The following SLCO1B3 variants were observed in gnomAD, a reference collection of about 807,000 sequenced individuals.
The protein encoded by SLCO1B3 is liver-specific organic anion transporter 2.
In SLCO1B3, 72 loss-of-function variants were observed where a neutral mutation model predicts 71.8. The ratio of observed to expected loss-of-function variants is 1.00; its 90% CI spans 0.83 to 1.22. SLCO1B3 has a LOEUF of 1.22. Ranked by LOEUF, SLCO1B3 falls within the 50% of genes most tolerant of loss-of-function variation. SLCO1B3 has a pLI of 0.00. For missense variants in SLCO1B3, 911 were observed against 819.7 expected, an observed-to-expected ratio of 1.11 and a Z score of -1.36; for synonymous variants, 298 against 278.4, an observed-to-expected ratio of 1.07 and a Z score of -0.70.
chr12:20,915,604 A>G (rs1866475765), intron 15 of SLCO1B3, among the ~76,000 whole-genome samples: 1 of 152,168 alleles, frequency 6.6e-6, no homozygotes, highest in African/African-American at 2.4e-5. Context: ...GTGTAAGGCG[A>G]TGAAGACAAA....
At chr12:20,906,833 A>G (rs1277344023) in intron 15 of SLCO1B3, among the ~76,000 whole-genome samples, 2 of 152,172 alleles carry the variant, frequency 1.3e-5, no homozygotes, top group African/African-American at 4.8e-5. Flanking sequence ...ATTGTCAACA[A>G]TCAAAAATGT....
chr12:20,842,111 G>C (rs576402074), intron 3 of SLCO1B3, among the ~76,000 whole-genome samples: 11 of 152,098 alleles, frequency 7.2e-5, no homozygotes, highest in Admixed American at 3.9e-4. Context: ...GGTCAGGCTG[G>C]TCTTGAACTC....
intron 13 of SLCO1B3, among the ~76,000 whole-genome samples, chr12:20,892,798 AT>A (rs772044286): frequency 6.6e-6 from 1 of 152,118 alleles, no homozygotes; most frequent in Non-Finnish European, 1.5e-5. Flanking sequence ...ATATTGGACG[AT>A]TGCCCTGGAG....
chr12:20,852,686 T>C (rs1376293028), intron 3 of SLCO1B3, among the ~76,000 whole-genome samples: 2 of 152,200 alleles, frequency 1.3e-5, no homozygotes, highest in East Asian at 3.9e-4. Flanking sequence ...CTAAGTGTTT[T>C]ATCTTTTTTA....
At chr12:20,843,575 T>C (rs2121180736) in intron 3 of SLCO1B3, among the ~76,000 whole-genome samples, 1 of 152,100 alleles carries the variant, frequency 6.6e-6, no homozygotes, top group East Asian at 1.9e-4. Context: ...GATCAGGAGA[T>C]TGAGACCATC....
intron 15 of SLCO1B3, among the ~76,000 whole-genome samples, chr12:20,908,811 G>A (rs1866307805): frequency 6.6e-6 from 1 of 152,116 alleles, no homozygotes; most frequent in Non-Finnish European, 1.5e-5. Context: ...TTGCTTGCAG[G>A]TTTGGGCAAT....
chr12:20,827,588 T>A (rs1864449962), intron 3 of SLCO1B3, among the ~76,000 whole-genome samples: 1 of 152,158 alleles, frequency 6.6e-6, no homozygotes, highest in Non-Finnish European at 1.5e-5. Flanking sequence ...TTTTTTCTTT[T>A]TGAGACAGAG....
chr12:20,883,566 C>A lies in SLCO1B3; in HGVS notation c.1646C>A (p.Ala549Glu), dbSNP rs1198690499. The change falls in exon 13 of 16, where the codon GCA becomes GAA. Residue 549 changes from alanine (A) to glutamate (E), a missense_variant. Physicochemically the swap from Ala to Glu is moderately radical, Grantham distance 107. Coordinates refer to ENST00000381545, the MANE Select transcript of SLCO1B3 (RefSeq NM_019844.4). The stretch of plus-strand genomic sequence containing the variant: ...CAAGTCATAAACTCTTTGTTCTCTG[C>A]AACAGGAGGTACCACATTTATCTTG... ...AIQVINSLFS[A>E]TGGTTFILLT... 2 of 1,599,566 alleles carry A rather than the reference C, an allele frequency of 1.3e-6. No homozygotes were observed. Among genetic ancestry groups the A allele is most frequent in the Non-Finnish European group, 1.7e-6 (2 of 1,174,972 alleles).
intron 3 of SLCO1B3, among the ~76,000 whole-genome samples, chr12:20,822,089 G>A (rs1047659016): frequency 2.6e-5 from 4 of 152,226 alleles, no homozygotes; most frequent in Non-Finnish European, 4.4e-5. Flanking sequence ...CTGAGGACCT[G>A]AGGTCGTAGA....
chr12:20,822,170 A>G (rs1327076930), intron 3 of SLCO1B3, among the ~76,000 whole-genome samples: 1 of 152,188 alleles, frequency 6.6e-6, no homozygotes, highest in African/African-American at 2.4e-5. Flanking sequence ...CCCCGATCCA[A>G]GTCACGGCAC....
At chr12:20,911,551 C>T (rs1010873679) in intron 15 of SLCO1B3, among the ~76,000 whole-genome samples, 1 of 152,082 alleles carries the variant, frequency 6.6e-6, no homozygotes, top group African/African-American at 2.4e-5. Flanking sequence ...AGAATTCGCC[C>T]ATGAACCCAT....
chr12:20,891,376 T>G (rs57112806), intron 13 of SLCO1B3, among the ~76,000 whole-genome samples: 16 of 152,206 alleles, frequency 1.1e-4, no homozygotes, highest in African/African-American at 3.4e-4. Context: ...GTAAGATTCC[T>G]GCTGAGAAGT....
At chr12:20,912,653 A>G (rs939335721) in intron 15 of SLCO1B3, among the ~76,000 whole-genome samples, 31 of 151,566 alleles carry the variant, frequency 2.0e-4, no homozygotes, top group Admixed American at 1.9e-3. Context: ...CCTCCTGAAT[A>G]GCTGGGATTA....
intron 3 of SLCO1B3, among the ~76,000 whole-genome samples, chr12:20,844,804 C>A (rs557044600): frequency 6.6e-6 from 1 of 151,754 alleles, no homozygotes; most frequent in South Asian, 2.1e-4. Context: ...CCAAGGTGGG[C>A]GAATCATCTG....
intron 3 of SLCO1B3, among the ~76,000 whole-genome samples, chr12:20,817,754 AT>A (rs544791647): frequency 4.3e-4 from 63 of 148,164 alleles, no homozygotes; most frequent in African/African-American, 5.4e-4. Flanking sequence ...CACCCAGCTA[AT>A]TTTTTTTTTT....
At chr12:20,841,473 T>A (rs2121172918) in intron 3 of SLCO1B3, among the ~76,000 whole-genome samples, 1 of 150,928 alleles carries the variant, frequency 6.6e-6, no homozygotes, top group South Asian at 2.1e-4. Flanking sequence ...GTAGGGATTC[T>A]TATTTAAAAA....
chr12:20,889,983 T>C (rs1865871891), intron 13 of SLCO1B3, among the ~76,000 whole-genome samples: 1 of 151,916 alleles, frequency 6.6e-6, no homozygotes, highest in Admixed American at 6.6e-5. Flanking sequence ...AATGGTGTAA[T>C]CTTGGCTCAC....
intron 13 of SLCO1B3, among the ~76,000 whole-genome samples, chr12:20,895,374 G>C: frequency 6.6e-6 from 1 of 152,252 alleles, no homozygotes; most frequent in Middle Eastern, 3.4e-3. Context: ...TTACTTCCTA[G>C]ATACAATGGG....
intron 12 of SLCO1B3, among the ~76,000 whole-genome samples, chr12:20,882,965 C>A (rs1865720631): frequency 6.6e-6 from 1 of 152,068 alleles, no homozygotes; most frequent in East Asian, 1.9e-4. Flanking sequence ...TTGAATGTTG[C>A]TTTTGCCTGC....
Sources: gnomAD v4.1 joint callset for allele counts (sites outside exome capture counted in the v4.1 genomes callset) on GRCh38, gnomAD v4.1.1 for gene constraint, MANE v1.5 for transcripts, NCBI Gene and HGNC (gene_info 2026-07-23, HGNC 2026-07-21) for gene names.